ASIC2: variants seen among roughly 807,000 people sequenced by gnomAD.
ASIC2 encodes acid-sensing ion channel 2.
A neutral mutation model predicts 57.3 loss-of-function variants in ASIC2; 25 were observed. The ratio of observed to expected loss-of-function variants is 0.44; its 90% CI spans 0.32 to 0.61. The LOEUF is 0.61. ASIC2 is among the 20% of genes least tolerant of loss of function. The pLI is 0.06. For synonymous variants in ASIC2, 319 were observed against 307.5 expected (o/e 1.04, Z -0.39); for missense variants, 641 against 738.1 (o/e 0.87, Z 1.52).
intron 1 of ASIC2, among the ~76,000 whole-genome samples, chr17:33,908,778 A>C (rs371207541): frequency 6.6e-6 from 1 of 152,240 alleles, no homozygotes; most frequent in South Asian, 2.1e-4. Flanking sequence ...TTGGAACTAG[A>C]AATTGAAAGC....
chr17:33,398,669 C>A (rs760451782), intron 1 of ASIC2, among the ~76,000 whole-genome samples: 1 of 152,026 alleles, frequency 6.6e-6, no homozygotes, highest in Non-Finnish European at 1.5e-5. Context: ...CACCCTTGAA[C>A]CTCAGAGTCT....
intron 1 of ASIC2, among the ~76,000 whole-genome samples, chr17:33,461,311 G>A (rs995669431): frequency 5.9e-5 from 9 of 152,170 alleles, no homozygotes; most frequent in South Asian, 2.1e-4. Context: ...CTGGGGGAGC[G>A]CAGAGCTGTG....
chr17:33,890,698 A>G (rs1421516256), intron 1 of ASIC2, among the ~76,000 whole-genome samples: 1 of 152,198 alleles, frequency 6.6e-6, no homozygotes, highest in Non-Finnish European at 1.5e-5. Context: ...CCTTTAGGAA[A>G]GACACAAACA....
chr17:33,761,975 C>T (rs1409068672), intron 1 of ASIC2, among the ~76,000 whole-genome samples: 1 of 152,082 alleles, frequency 6.6e-6, no homozygotes, highest in Non-Finnish European at 1.5e-5. Context: ...CCAGCACTCT[C>T]TATGGTAGGC....
intron 2 of ASIC2, among the ~76,000 whole-genome samples, chr17:33,098,816 G>A (rs1416292540): frequency 1.3e-5 from 2 of 151,940 alleles, no homozygotes; most frequent in East Asian, 3.9e-4. Flanking sequence ...GGACCAAATC[G>A]GAAGATGTGG....
At chr17:33,158,932 C>A (rs1431672522) in intron 1 of ASIC2, among the ~76,000 whole-genome samples, 2 of 152,186 alleles carry the variant, frequency 1.3e-5, no homozygotes, top group Non-Finnish European at 2.9e-5. Flanking sequence ...TTACTGAAGA[C>A]TTTAATTTGG....
At chr17:33,226,667 T>C (rs2142102867) in intron 1 of ASIC2, among the ~76,000 whole-genome samples, 1 of 152,334 alleles carries the variant, frequency 6.6e-6, no homozygotes, top group East Asian at 1.9e-4. Context: ...TAATGGTGTC[T>C]GACTTATAGG....
intron 1 of ASIC2, among the ~76,000 whole-genome samples, chr17:33,891,679 T>C (rs577697756): frequency 6.6e-6 from 1 of 152,336 alleles, no homozygotes; most frequent in South Asian, 2.1e-4. Context: ...CCAAATTTAC[T>C]ACCCACCTCT....
chr17:33,999,239 G>A (rs538735337), intron 1 of ASIC2, among the ~76,000 whole-genome samples: 1 of 152,074 alleles, frequency 6.6e-6, no homozygotes, highest in East Asian at 1.9e-4. Context: ...TTGAATTTCA[G>A]CCTATGTGTG....
In ASIC2 at chr17:34,139,356, CAGAT is replaced by C. The variant is rs150915830; in HGVS notation, c.555+16618_555+16621del. ...TTAAGTGATACCACATGGAAATAAACAGATAGATTCATATGTGGGATCATTGTAT... is the reference window on the plus strand; with the variant it reads ...TTAAGTGATACCACATGGAAATAAACAGATTCATATGTGGGATCATTGTAT... On this transcript the variant is annotated intron_variant, in intron 1 of 9. Coordinates refer to the ASIC2 transcript ENST00000359872. Among the ~76,000 whole-genome samples the C allele has an allele frequency of 7.2e-3, 1,102 of 152,240 alleles. 16 individuals are homozygous for C. The highest frequency in any genetic ancestry group is 0.025 in the African/African-American group (1,049 of 41,536).
intron 1 of ASIC2, among the ~76,000 whole-genome samples, chr17:33,418,410 T>C (rs1161554107): frequency 2.6e-5 from 4 of 152,216 alleles, no homozygotes; most frequent in African/African-American, 9.6e-5. Context: ...TTGTTGCCAT[T>C]GCTTTTGGTG....
At chr17:34,154,787 G>A (rs921727743) in intron 1 of ASIC2, among the ~76,000 whole-genome samples, 1 of 152,138 alleles carries the variant, frequency 6.6e-6, no homozygotes, top group Non-Finnish European at 1.5e-5. Context: ...TTGGCTCAAC[G>A]TTCTGAGACT....
At chr17:33,507,873 C>T (rs947846505) in intron 1 of ASIC2, among the ~76,000 whole-genome samples, 6 of 152,204 alleles carry the variant, frequency 3.9e-5, no homozygotes, top group African/African-American at 1.2e-4. Flanking sequence ...CCACTGCACT[C>T]CAGCCTGGGC....
chr17:33,708,897 A>G (rs1369964019), intron 1 of ASIC2, among the ~76,000 whole-genome samples: 1 of 152,186 alleles, frequency 6.6e-6, no homozygotes. Flanking sequence ...ACTTATTGCC[A>G]ATCACACCTT....
intron 1 of ASIC2, among the ~76,000 whole-genome samples, chr17:33,539,447 A>G (rs1915337598): frequency 6.6e-6 from 1 of 152,240 alleles, no homozygotes; most frequent in South Asian, 2.1e-4. Flanking sequence ...GGTGGAGGGC[A>G]GGAAAGCTGG....
At chr17:33,790,647 A>C (rs570907682) in intron 1 of ASIC2, among the ~76,000 whole-genome samples, 2 of 152,140 alleles carry the variant, frequency 1.3e-5, no homozygotes, top group East Asian at 3.9e-4. Flanking sequence ...GGCAGCCCCC[A>C]TAGTTGCATA....
chr17:33,511,952 A>G (rs1048671047), intron 1 of ASIC2, among the ~76,000 whole-genome samples: 5 of 152,200 alleles, frequency 3.3e-5, no homozygotes, highest in African/African-American at 1.2e-4. Context: ...ACAGAGGTCA[A>G]GAGGGCTCTT....
chr17:33,886,376 A>C (rs1040873752), intron 1 of ASIC2, among the ~76,000 whole-genome samples: 2 of 152,178 alleles, frequency 1.3e-5, no homozygotes, highest in African/African-American at 4.8e-5. Context: ...AAGGAACAGA[A>C]ATCGGATCAG....
intron 1 of ASIC2, among the ~76,000 whole-genome samples, chr17:33,790,746 G>A (rs985439920): frequency 6.6e-6 from 1 of 152,114 alleles, no homozygotes; most frequent in East Asian, 1.9e-4. Flanking sequence ...CTCTTATTGG[G>A]TTCTGCTTCT....
Sources: gnomAD v4.1 joint callset for allele counts (sites outside exome capture counted in the v4.1 genomes callset) on GRCh38, gnomAD v4.1.1 for gene constraint, MANE v1.5 for transcripts, NCBI Gene and HGNC (gene_info 2026-07-23, HGNC 2026-07-21) for gene names.